The following PNLDC1 variants were observed in gnomAD, a reference collection of about 807,000 sequenced individuals.
PNLDC1 encodes the protein poly(A)-specific ribonuclease PNLDC1.
Under a neutral mutation model 82.0 loss-of-function variants are expected in PNLDC1, and 70 were observed. The observed-to-expected ratio is 0.85, with a 90% CI of 0.70 to 1.04. The LOEUF (loss-of-function observed/expected upper bound fraction) is 1.04. PNLDC1 is among the 50% of genes least tolerant of loss of function. The probability of loss-of-function intolerance (pLI) is 0.00; values close to 1 mark genes in which losing one functional copy is unlikely to be tolerated. For missense variants in PNLDC1, 631 were observed against 661.1 expected (o/e 0.95, Z 0.50); for synonymous variants, 280 against 249.3 (o/e 1.12, Z -1.16).
At position 159,800,388 on chromosome 6, in the gene PNLDC1, A is replaced by C. The variant is rs1288261960; in HGVS notation, c.76+5A>C. 1 of 1,547,728 alleles carries C rather than the reference A, an allele frequency of 6.5e-7. No homozygotes were observed. Among genetic ancestry groups the C allele is most frequent in the Admixed American group, 2.0e-5 (1 of 50,976 alleles). ...TCCAGGAGGCCGACTTCGTGGGTGA[A>C]GAGCCTGGGATTCGCGGCTGTGCCG... On this transcript the variant is annotated splice_donor_5th_base_variant and intron_variant, in intron 1 of 18. Transcript: ENST00000392167.
chr6:159,815,891 C>T, intron 12 of PNLDC1, 78 bp from the exon 13 acceptor site: 4 of 1,135,542 alleles, frequency 3.5e-6, no homozygotes, highest in Non-Finnish European at 1.3e-6. Flanking sequence ...TTTATATTAA[C>T]TTAAGGGACT....
chr6:159,806,052 A>AG lies in PNLDC1; in HGVS notation c.533dup (p.Asp179ArgfsTer15). 1 of 1,614,184 alleles carries AG rather than the reference A, an allele frequency of 6.2e-7. No homozygotes were observed. ...CGCGGTGGCTGGAGCTGGCCAAGGA[A>AG]GGCGACTGGATGACTCTTCCTGGGA... On this transcript the variant is annotated frameshift_variant, in exon 7 of 19. Coordinates refer to ENST00000392167, the MANE Select transcript of PNLDC1 (RefSeq NM_001271862.2). LOFTEE classifies it high-confidence loss of function.
rs562672575 is a variant in PNLDC1 at position 159,807,447 on chromosome 6, A to G, written c.563-1293A>G. Among the ~76,000 whole-genome samples the G allele has an allele frequency of 2.0e-5, 3 of 152,254 alleles. No homozygotes were observed. In the South Asian group the frequency reaches 6.2e-4, roughly 32 times the overall value. ...AGGAAGATAACTCGCAGTATTTCCTAGTGATAAAATTACAGCTTTCAATCA... is the reference window on the plus strand; with the variant it reads ...AGGAAGATAACTCGCAGTATTTCCTGGTGATAAAATTACAGCTTTCAATCA... On this transcript the variant is annotated intron_variant, in intron 7 of 18. Coordinates refer to ENST00000392167, the MANE Select transcript of PNLDC1 (RefSeq NM_001271862.2).
At position 159,800,596 on chromosome 6, in the gene PNLDC1, C is replaced by T. The variant is rs1213226190; in HGVS notation, c.77-176C>T. ...GTCCCTTGTTGGCCAGAGCCCCGTG[C>T]GCCCAGGTGCCTGGCTGCTCCTTGC... On this transcript the variant is annotated intron_variant, in intron 1 of 18. Coordinates refer to ENST00000392167, the MANE Select transcript of PNLDC1 (RefSeq NM_001271862.2). The T allele has an allele frequency of 6.5e-6, 10 of 1,529,574 alleles. No individual in the cohort carries two copies. In the South Asian group the frequency reaches 7.2e-5, roughly 11 times the overall value. 94.8% of individuals were successfully genotyped at this position (1,529,574 alleles called of 1,614,324 possible). A position where few individuals can be genotyped will look rare whatever the true frequency, so the allele number is the denominator to read the frequency against.
At chr6:159,803,857 C>T in intron 4 of PNLDC1, 108 bp from the exon 5 acceptor site, 1 of 1,262,900 alleles carries the variant, frequency 7.9e-7, no homozygotes, top group Non-Finnish European at 1.1e-6. Context: ...CTCGGGCACA[C>T]TCAGATTCTT....
rs778909851 is a variant in PNLDC1, at chr6:159,819,256, C to A, written c.1436C>A (p.Ala479Glu). The A allele has an allele frequency of 1.2e-6, 2 of 1,613,746 alleles. No homozygotes were observed. The highest frequency in any genetic ancestry group is 1.6e-4 in the Middle Eastern group (1 of 6,062). The change falls in exon 18 of 19, where the codon GCG becomes GAG. Residue 479 changes from alanine to glutamate, a missense_variant and splice_region_variant. Ala to Glu is a moderately radical substitution (Grantham distance 107). Transcript: ENST00000392167. This position sits in a 1 kb window ranked among gnomAD's most constrained non-coding sequence, Gnocchi z 4.6. The part of the protein sequence containing the change: ...FLLLTNKFKD[A>E]RNILKEYRDH... ...CCACAGCAAACTTGTTTTGGCAGTG[C>A]GCGGAACATCCTGAAGGAGTACCGG...
At chr6:159,808,433 G>C (rs10945636) in intron 7 of PNLDC1, among the ~76,000 whole-genome samples, 35,873 of 150,926 alleles carry the variant, frequency 0.24, 4,354 homozygotes, top group East Asian at 0.41. Flanking sequence ...TTCTTTAAAT[G>C]TAAGAGTTTT....
At chr6:159,818,715 C>A (rs1194908424) in intron 16 of PNLDC1, 61 bp downstream of exon 16, 2 of 1,492,342 alleles carry the variant, frequency 1.3e-6, no homozygotes, top group Non-Finnish European at 1.9e-6. Context: ...TGCTGGGAAG[C>A]GGCCAGTGCT....
chr6:159,799,497 A>G (rs945895097), upstream of PNLDC1, among the ~76,000 whole-genome samples: 1 of 152,174 alleles, frequency 6.6e-6, no homozygotes, highest in Non-Finnish European at 1.5e-5. Context: ...CGCTAACCTT[A>G]AAGATTGATT....
At chr6:159,817,755 G>A (rs11754046) in intron 15 of PNLDC1, among the ~76,000 whole-genome samples, 13,649 of 152,296 alleles carry the variant, frequency 0.09, 887 homozygotes, top group Non-Finnish European at 0.13. Context: ...AGCCAGCCAG[G>A]TGAAGGAGCC....
rs1021963673 is a variant in PNLDC1 at position 159,819,796 on chromosome 6, G to A, written c.1532+444G>A. On this transcript the variant is annotated intron_variant, in intron 18 of 18. Coordinates refer to ENST00000392167, the MANE Select transcript of PNLDC1 (RefSeq NM_001271862.2). This position sits in a 1 kb window ranked among gnomAD's most constrained non-coding sequence, Gnocchi z 4.6. ...GCAGCAGGACGGAGCCTTCCAGTCA[G>A]GAGGTGCCCGGAGTGTCACGGGGAG... Among the ~76,000 whole-genome samples the A allele has an allele frequency of 6.6e-6, 1 of 152,024 alleles. No homozygotes were observed. Among genetic ancestry groups the A allele is most frequent in the Non-Finnish European group, 1.5e-5 (1 of 68,006 alleles).
rs1432862763 is a variant in PNLDC1 at position 159,814,165 on chromosome 6, G to A, written c.995+509G>A. Among the ~76,000 whole-genome samples, 5 of 152,104 alleles carry A rather than the reference G, an allele frequency of 3.3e-5. No homozygotes were observed. In the East Asian group the frequency reaches 9.7e-4, roughly 29 times the overall value. On this transcript the variant is annotated intron_variant, in intron 12 of 18. Coordinates refer to ENST00000392167, the MANE Select transcript of PNLDC1 (RefSeq NM_001271862.2). Reference sequence around the variant, plus strand: ...CTCCTCTTTCCTCAGCCCACGGCAGGCAGGGCCTTGTCTCCTTCACTCTGC... The same window carrying A: ...CTCCTCTTTCCTCAGCCCACGGCAGACAGGGCCTTGTCTCCTTCACTCTGC...
chr6:159,802,501 C>T (rs997851635), intron 3 of PNLDC1, among the ~76,000 whole-genome samples: 20 of 150,986 alleles, frequency 1.3e-4, no homozygotes, highest in African/African-American at 2.4e-4. Flanking sequence ...TTTTTTTGTT[C>T]GTTTGTTTGT....
rs1162608411 is a variant in PNLDC1 at position 159,810,032 on chromosome 6, G to A, written c.790G>A (p.Val264Met). 1 of 1,613,754 alleles carries A rather than the reference G, an allele frequency of 6.2e-7. No individual in the cohort carries two copies. Among genetic ancestry groups the A allele is most frequent in the Non-Finnish European group, 8.5e-7 (1 of 1,179,800 alleles). Reference sequence around the variant, plus strand: ...GTTGATTTACTCCAAGTAGCCCTTAGTGGGACATAATATGATGATGGACCT... The same window carrying A: ...GTTGATTTACTCCAAGTAGCCCTTAATGGGACATAATATGATGATGGACCT... Reference protein sequence around the residue: ...QMLVKAQKPLVGHNMMMDLLH... With the variant: ...QMLVKAQKPLMGHNMMMDLLH... The change falls in exon 10 of 19, where the codon GTG becomes ATG. Residue 264 changes from valine (V) to methionine (M), a missense_variant. By Grantham distance (21) the Val-to-Met change is conservative. Coordinates refer to ENST00000392167, the MANE Select transcript of PNLDC1 (RefSeq NM_001271862.2).
intron 13 of PNLDC1, 42 bp downstream of exon 13, chr6:159,816,075 G>A: frequency 1.1e-5 from 15 of 1,376,620 alleles, no homozygotes; most frequent in Non-Finnish European, 1.4e-5. Flanking sequence ...AGTCGGCAGA[G>A]TGCTGAGGTG....
chr6:159,800,229 C>T (rs115832766), upstream of PNLDC1: 8,735 of 1,399,812 alleles, frequency 6.2e-3, 93 homozygotes, highest in Middle Eastern at 0.057. Context: ...CTTTAAGACC[C>T]GGCGGCGCGA....
chr6:159,815,433 G>GC (rs1197562627), intron 12 of PNLDC1, among the ~76,000 whole-genome samples: 3 of 152,178 alleles, frequency 2.0e-5, no homozygotes, highest in Non-Finnish European at 2.9e-5. Context: ...AAAGGCTTCA[G>GC]CCCCACTTCT....
chr6:159,800,935 T>G (rs1781227834), intron 2 of PNLDC1, 106 bp downstream of exon 2: 3 of 1,534,200 alleles, frequency 2.0e-6, no homozygotes, highest in Non-Finnish European at 2.7e-6. Context: ...TTGTGTGGCT[T>G]GCTCCTACGT....
At chr6:159,801,084 C>T (rs771443223) in intron 2 of PNLDC1, 29 bp from the exon 3 acceptor site, 5 of 1,611,468 alleles carry the variant, frequency 3.1e-6, no homozygotes, top group South Asian at 1.1e-5. Context: ...TGTCATTGCT[C>T]GTGGAATGAG....
Sources: allele counts gnomAD v4.1 joint callset (sites outside exome capture counted in the v4.1 genomes callset), GRCh38; gene constraint gnomAD v4.1.1; non-coding constraint Gnocchi (gnomAD v3.1); transcripts MANE v1.5; gene names NCBI Gene and HGNC (gene_info 2026-07-23, HGNC 2026-07-21).